MAML2: variants seen among roughly 807,000 people sequenced by gnomAD.
MAML2 encodes the protein mastermind like transcriptional coactivator 2.
A neutral mutation model predicts 96.1 loss-of-function variants in MAML2; 22 were observed. The ratio of observed to expected loss-of-function variants is 0.23; its 90% CI spans 0.16 to 0.33. The LOEUF (loss-of-function observed/expected upper bound fraction) is 0.33, where lower values mean the gene tolerates loss of function less well. Among genes scored for constraint, MAML2 ranks in the 10% least tolerant of loss-of-function variants. The probability of loss-of-function intolerance (pLI) is 1.00; values close to 1 mark genes in which losing one functional copy is unlikely to be tolerated. For missense variants in MAML2, 1,367 were observed against 1,392.4 expected (o/e 0.98, Z 0.29); for synonymous variants, 561 against 521.3 (o/e 1.08, Z -1.04).
At chr11:95,983,390 C>A (rs1857773215) in intron 4 of MAML2, among the ~76,000 whole-genome samples, 1 of 152,044 alleles carries the variant, frequency 6.6e-6, no homozygotes, top group African/African-American at 2.4e-5. Flanking sequence ...ATTGCGGTTT[C>A]TAGAGGTGGG....
At chr11:96,281,794 A>G (rs1258310606) in intron 1 of MAML2, among the ~76,000 whole-genome samples, 3 of 151,986 alleles carry the variant, frequency 2.0e-5, no homozygotes, top group African/African-American at 7.2e-5. Flanking sequence ...CACTGGAGCC[A>G]GGGAGGTCAA....
At chr11:96,306,451 A>C (rs2136001571) in intron 1 of MAML2, among the ~76,000 whole-genome samples, 1 of 152,318 alleles carries the variant, frequency 6.6e-6, no homozygotes, top group African/African-American at 2.4e-5. Context: ...TTGTGACTTG[A>C]AAGGTCAAAA....
At chr11:96,065,267 A>G (rs1357830475) in intron 2 of MAML2, among the ~76,000 whole-genome samples, 1 of 152,230 alleles carries the variant, frequency 6.6e-6, no homozygotes, top group African/African-American at 2.4e-5. Flanking sequence ...AATAGAGAGA[A>G]GTTCTTGTAA....
chr11:96,097,740 G>A (rs114884686), intron 1 of MAML2, among the ~76,000 whole-genome samples: 3,703 of 152,186 alleles, frequency 0.024, 156 homozygotes, highest in African/African-American at 0.084. Flanking sequence ...CAAAGGCAAG[G>A]GTACCTATGT....
chr11:96,074,507 T>G (rs1217465880), intron 2 of MAML2, among the ~76,000 whole-genome samples: 1 of 152,208 alleles, frequency 6.6e-6, no homozygotes, highest in African/African-American at 2.4e-5. Context: ...CTTCAATAGA[T>G]TCTATTCTTG....
intron 4 of MAML2, among the ~76,000 whole-genome samples, chr11:95,985,269 T>C (rs1304672114): frequency 6.6e-6 from 1 of 152,186 alleles, no homozygotes; most frequent in Non-Finnish European, 1.5e-5. Flanking sequence ...TGATTGAACC[T>C]AACAGAAAAA....
intron 1 of MAML2, among the ~76,000 whole-genome samples, chr11:96,177,547 C>T (rs1350881378): frequency 6.6e-6 from 1 of 152,186 alleles, no homozygotes; most frequent in Non-Finnish European, 1.5e-5. Flanking sequence ...AAAAATCTGA[C>T]AATGTGGTGG....
chr11:96,265,111 C>A (rs1862808397), intron 1 of MAML2, among the ~76,000 whole-genome samples: 1 of 152,142 alleles, frequency 6.6e-6, no homozygotes, highest in East Asian at 1.9e-4. Flanking sequence ...AGCTGACTTT[C>A]ATTAGGAATG....
intron 2 of MAML2, among the ~76,000 whole-genome samples, chr11:96,028,360 A>T (rs10765784): frequency 0.25 from 37,846 of 152,038 alleles, 5,476 homozygotes; most frequent in Non-Finnish European, 0.33. Context: ...GCTAATTCCC[A>T]TTCATTCTTC....
intron 2 of MAML2, among the ~76,000 whole-genome samples, chr11:96,009,767 C>T (rs2135726629): frequency 6.6e-6 from 1 of 152,290 alleles, no homozygotes; most frequent in African/African-American, 2.4e-5. Flanking sequence ...TAATAATTCA[C>T]AATGTTGTGT....
At chr11:96,018,488 C>T (rs1023313859) in intron 2 of MAML2, among the ~76,000 whole-genome samples, 8 of 152,152 alleles carry the variant, frequency 5.3e-5, no homozygotes, top group Middle Eastern at 3.2e-3. Context: ...GACACCCCAT[C>T]GTTTGGAAGT....
chr11:96,288,158 T>C (rs1465257164), intron 1 of MAML2, among the ~76,000 whole-genome samples: 1 of 152,146 alleles, frequency 6.6e-6, no homozygotes, highest in Non-Finnish European at 1.5e-5. Context: ...GAAACAGAAG[T>C]AGAAAAAAAT....
intron 1 of MAML2, among the ~76,000 whole-genome samples, chr11:96,264,350 A>G (rs1222318457): frequency 6.6e-6 from 1 of 152,202 alleles, no homozygotes; most frequent in Non-Finnish European, 1.5e-5. Flanking sequence ...GCTGCTGGAG[A>G]AAAAATTATC....
intron 2 of MAML2, among the ~76,000 whole-genome samples, chr11:95,998,299 T>C (rs765961005): frequency 1.3e-5 from 2 of 152,118 alleles, no homozygotes; most frequent in Non-Finnish European, 2.9e-5. Flanking sequence ...ATTCAACCTC[T>C]GCTAAAATTA....
intron 2 of MAML2, among the ~76,000 whole-genome samples, chr11:96,010,809 G>A (rs962919828): frequency 2.6e-5 from 4 of 152,080 alleles, no homozygotes; most frequent in Non-Finnish European, 5.9e-5. Flanking sequence ...ATCACTAACA[G>A]TTTTAGTTGT....
chr11:96,101,290 T>G (rs1318284300), intron 1 of MAML2, among the ~76,000 whole-genome samples: 4 of 152,194 alleles, frequency 2.6e-5, no homozygotes, highest in Admixed American at 2.0e-4. Flanking sequence ...CACTCTTCAT[T>G]ACAGGGCAGA....
chr11:96,007,605 A>G (rs2135724575), intron 2 of MAML2, among the ~76,000 whole-genome samples: 1 of 152,134 alleles, frequency 6.6e-6, no homozygotes, highest in Admixed American at 6.6e-5. Flanking sequence ...TCAATTATGC[A>G]CTCCTATTAG....
intron 1 of MAML2, among the ~76,000 whole-genome samples, chr11:96,333,351 GC>G (rs1863877575): frequency 6.7e-6 from 1 of 149,582 alleles, no homozygotes; most frequent in East Asian, 1.9e-4. Context: ...TGGGGAGTAA[GC>G]GAAAAAAAAA....
intron 2 of MAML2, among the ~76,000 whole-genome samples, chr11:95,993,396 C>G (rs529394614): frequency 1.3e-5 from 2 of 152,128 alleles, no homozygotes; most frequent in South Asian, 4.1e-4. Flanking sequence ...GGTTAAACCC[C>G]ATCTCTACTA....
Sources: allele counts gnomAD v4.1 joint callset (sites outside exome capture counted in the v4.1 genomes callset), GRCh38; gene constraint gnomAD v4.1.1; transcripts MANE v1.5; gene names NCBI Gene and HGNC (gene_info 2026-07-23, HGNC 2026-07-21).